Variants in FAM161B observed in about 807,000 individuals in gnomAD.
The protein encoded by FAM161B is FAM161 centrosomal protein B.
In FAM161B, 46 loss-of-function variants were observed where a neutral mutation model predicts 61.5. The observed-to-expected ratio is 0.75, with a 90% CI of 0.59 to 0.96. The LOEUF is 0.96. Ranked by LOEUF, FAM161B falls within the 40% of genes least tolerant of loss-of-function variation. The pLI, the probability that FAM161B is intolerant of heterozygous loss-of-function variation, is 0.00. For missense variants in FAM161B, 774 were observed against 800.7 expected (o/e 0.97, Z 0.40); for synonymous variants, 284 against 302.7 (o/e 0.94, Z 0.64).
rs1293486550 is a variant in FAM161B, at chr14:73,941,065, A to T, written c.1273-12T>A. The T allele has an allele frequency of 6.2e-7, 1 of 1,609,668 alleles. No homozygotes were observed. The highest frequency in any genetic ancestry group is 8.5e-7 in the Non-Finnish European group (1 of 1,178,054). On this transcript the variant is annotated splice_polypyrimidine_tract_variant and intron_variant, in intron 4 of 8. Transcript: ENST00000286544. ...GGCTGTGGGGAATCCTAGAAGAAAC[A>T]AAGGTTGGTATTGGTGGGACAGCAT...
At chr14:73,938,246 G>T in intron 5 of FAM161B, 134 bp from the exon 6 acceptor site, 1 of 949,440 alleles carries the variant, frequency 1.1e-6, no homozygotes, top group South Asian at 1.6e-5. Context: ...ATCACCTGAG[G>T]TCAGGAGTCC....
intron 1 of FAM161B, among the ~76,000 whole-genome samples, chr14:73,947,442 C>G (rs2056077121): frequency 6.7e-6 from 1 of 150,174 alleles, no homozygotes; most frequent in Non-Finnish European, 1.5e-5. Context: ...TATGGTCTGG[C>G]TGGAAGAGCA....
At chr14:73,943,926 G>A (rs907166433) in intron 3 of FAM161B, among the ~76,000 whole-genome samples, 2 of 152,100 alleles carry the variant, frequency 1.3e-5, no homozygotes, top group Admixed American at 6.5e-5. Context: ...TCATCCCCCA[G>A]GTAATTTCGG....
downstream of FAM161B, chr14:73,932,175 A>G (rs2055926399): frequency 2.8e-6 from 1 of 357,010 alleles, no homozygotes; most frequent in Admixed American, 4.1e-5. Context: ...TGGAACATAC[A>G]GTAGCATGTT....
downstream of FAM161B, among the ~76,000 whole-genome samples, chr14:73,928,455 G>A (rs2055866112): frequency 6.6e-6 from 1 of 152,138 alleles, no homozygotes; most frequent in South Asian, 2.1e-4. Context: ...ATTTTATCCT[G>A]GGGGCACTGA....
chr14:73,923,591 C>T, the FAM161B span: 1 of 1,531,806 alleles, frequency 6.5e-7, no homozygotes, highest in Non-Finnish European at 8.8e-7. Flanking sequence ...TTTAGAGGAC[C>T]TGAAAAAGTC....
At chr14:73,937,543 A>G in intron 7 of FAM161B, 59 bp downstream of exon 7, 1 of 1,506,758 alleles carries the variant, frequency 6.6e-7, no homozygotes, top group Non-Finnish European at 9.0e-7. Context: ...ATTGTTTTGT[A>G]ATTTTTCAGA....
At chr14:73,931,288 A>C (rs1413244113), downstream of FAM161B, among the ~76,000 whole-genome samples, 1 of 152,202 alleles carries the variant, frequency 6.6e-6, no homozygotes, top group East Asian at 1.9e-4. Flanking sequence ...TGATTGCCAG[A>C]GTTAAAATGC....
intron 2 of FAM161B, 98 bp from the exon 3 acceptor site, chr14:73,944,983 G>T: frequency 9.3e-7 from 1 of 1,070,732 alleles, no homozygotes; most frequent in Non-Finnish European, 1.3e-6. Context: ...ACTGGTCACA[G>T]CTGGCTGCTC....
chr14:73,946,744 C>T (rs1326703046), intron 1 of FAM161B, 139 bp from the exon 2 acceptor site: 3 of 802,850 alleles, frequency 3.7e-6, no homozygotes, highest in East Asian at 2.7e-5. Flanking sequence ...CACTGGCTCA[C>T]ACCTGTAATC....
chr14:73,930,149 C>T (rs1566669536), downstream of FAM161B, among the ~76,000 whole-genome samples: 2 of 152,198 alleles, frequency 1.3e-5, no homozygotes, highest in African/African-American at 4.8e-5. Flanking sequence ...TAATATTTCT[C>T]ATAAAGTACC....
the FAM161B span, among the ~76,000 whole-genome samples, chr14:73,925,456 G>A: frequency 6.6e-6 from 1 of 150,472 alleles, no homozygotes; most frequent in African/African-American, 2.4e-5. Flanking sequence ...TTGAGATGGA[G>A]TCCCACTGTC....
chr14:73,936,666 A>AT (rs1325022391), intron 7 of FAM161B, among the ~76,000 whole-genome samples: 1 of 152,232 alleles, frequency 6.6e-6, no homozygotes, highest in Non-Finnish European at 1.5e-5. Context: ...CTTGCTTAAC[A>AT]TTAACATAAA....
intron 5 of FAM161B, among the ~76,000 whole-genome samples, chr14:73,939,122 C>T (rs2055996144): frequency 1.3e-5 from 2 of 152,052 alleles, no homozygotes; most frequent in South Asian, 4.1e-4. Flanking sequence ...CATGGTGAAA[C>T]CCTGTCTCTA....
Position 73,946,474 on chromosome 14 carries a change from G to A in FAM161B, c.186C>T (p.Asp62=), listed in dbSNP as rs1443927920. The A allele has an allele frequency of 6.2e-7, 1 of 1,614,196 alleles. No individual in the cohort carries two copies. The highest frequency in any genetic ancestry group is 2.2e-5 in the East Asian group (1 of 44,884). The change falls in exon 2 of 9, where the codon GAC becomes GAT. Residue 62 remains aspartate, a synonymous_variant. Coordinates refer to ENST00000286544, the MANE Select transcript of FAM161B (RefSeq NM_152445.3). The stretch of plus-strand genomic sequence containing the variant: ...AGTTCTGGTAAATGCTCCCAGTTGA[G>A]TCAGAAGTAGAATCTATCTCCTCCT... ...SPEEEIDSTS[D]STGSIYQNLQ... is the part of the protein sequence containing the mutation.
Position 73,942,673 on chromosome 14 carries a change from AG to A in FAM161B, c.967del (p.Leu323TrpfsTer46). 5 of 1,614,072 alleles carry A rather than the reference AG, an allele frequency of 3.1e-6. No individual in the cohort carries two copies. Among genetic ancestry groups the A allele is most frequent in the Non-Finnish European group, 4.2e-6 (5 of 1,179,956 alleles). On this transcript the variant is annotated frameshift_variant, in exon 4 of 9. Transcript: ENST00000286544. LOFTEE classifies it high-confidence loss of function. ...GGAAGAGGCCATCTGGAGCATGTCC[AG>A]GGCTCTCATTTGGATGCGAATTTTC... is the stretch of plus-strand genomic sequence containing the variant. Reference protein sequence around the residue: ...FRKIRIQMRALDMLQMASSPI... With the variant: ...FRKIRIQMRAXDMLQMASSPI...
At position 73,940,596 on chromosome 14, in the gene FAM161B, C is replaced by T. The variant is rs115754759; in HGVS notation, c.1400+330G>A. Among the ~76,000 whole-genome samples, 374 of 152,234 alleles carry T rather than the reference C, an allele frequency of 2.5e-3. 2 individuals carry two copies. Among genetic ancestry groups the T allele is most frequent in the African/African-American group, 8.6e-3 (356 of 41,534 alleles). On this transcript the variant is annotated intron_variant, in intron 5 of 8. Coordinates refer to ENST00000286544, the MANE Select transcript of FAM161B (RefSeq NM_152445.3). ...GTGCCCTCACAGTCCCCTTTACCCC[C>T]CATCATTGCACTACTCAAAAAATAT...
rs368681902 is a variant in FAM161B at position 73,950,035 on chromosome 14, G to C, written c.-9C>G. The stretch of plus-strand genomic sequence containing the variant: ...GGCCTCCCCACGGTCATTTCAGCTG[G>C]ACAGAGGCAGCAGCGACAGTGACAG... On this transcript the variant is annotated 5_prime_UTR_variant, in exon 1 of 9. Coordinates refer to ENST00000286544, the MANE Select transcript of FAM161B (RefSeq NM_152445.3). 23 of 1,611,834 alleles carry C rather than the reference G, an allele frequency of 1.4e-5. No individual in the cohort carries two copies. The highest frequency in any genetic ancestry group is 1.9e-5 in the Non-Finnish European group (23 of 1,180,010).
chr14:73,934,433 T>C, intron 8 of FAM161B, 39 bp from the exon 9 acceptor site: 1 of 1,584,700 alleles, frequency 6.3e-7, no homozygotes, highest in Non-Finnish European at 8.6e-7. Flanking sequence ...AAAAAAAATT[T>C]TTTTTTCAGA....
Sources: gnomAD v4.1 joint callset for allele counts (sites outside exome capture counted in the v4.1 genomes callset) on GRCh38, gnomAD v4.1.1 for gene constraint, MANE v1.5 for transcripts, NCBI Gene and HGNC (gene_info 2026-07-23, HGNC 2026-07-21) for gene names.